ELMO1: variants seen among roughly 807,000 people sequenced by gnomAD.
ELMO1 encodes the protein engulfment and cell motility protein 1.
ELMO1 carries 26 observed loss-of-function variants against 98.9 expected under a neutral mutation model. The ratio of observed to expected loss-of-function variants is 0.26; its 90% CI spans 0.19 to 0.36. The LOEUF (loss-of-function observed/expected upper bound fraction) is 0.36. Among genes scored for constraint, ELMO1 ranks in the 10% least tolerant of loss-of-function variants. The pLI, the probability that ELMO1 is intolerant of heterozygous loss-of-function variation, is 1.00. For synonymous variants in ELMO1, 346 were observed against 346.0 expected, an observed-to-expected ratio of 1.00 and a Z score of 0.00; for missense variants, 627 against 935.2, an observed-to-expected ratio of 0.67 and a Z score of 4.30.
chr7:37,323,783 T>C (rs1799645328), intron 2 of ELMO1, among the ~76,000 whole-genome samples: 1 of 152,174 alleles, frequency 6.6e-6, no homozygotes, highest in African/African-American at 2.4e-5. Context: ...GTACCACTAA[T>C]TTCTAAATCC....
At chr7:37,168,815 T>A (rs888616311) in intron 13 of ELMO1, among the ~76,000 whole-genome samples, 9 of 152,226 alleles carry the variant, frequency 5.9e-5, no homozygotes, top group African/African-American at 2.2e-4. Flanking sequence ...GGAGGCAGTC[T>A]GCCCATTCTC....
chr7:36,874,401 T>G (rs1158921794), intron 19 of ELMO1, among the ~76,000 whole-genome samples: 1 of 152,238 alleles, frequency 6.6e-6, no homozygotes, highest in Non-Finnish European at 1.5e-5. Context: ...TTCTGTAAAA[T>G]AAGGACAATA....
At chr7:36,938,081 T>C (rs1020014619) in intron 16 of ELMO1, among the ~76,000 whole-genome samples, 2 of 152,238 alleles carry the variant, frequency 1.3e-5, no homozygotes, top group African/African-American at 4.8e-5. Flanking sequence ...TTCTAAAATA[T>C]ACTGACTGCT....
chr7:37,292,737 G>T (rs1350789737), intron 4 of ELMO1, among the ~76,000 whole-genome samples: 2 of 10,716 alleles, frequency 1.9e-4, no homozygotes, highest in Admixed American at 1.0e-3. Context: ...GGAGGGAGGT[G>T]GGGGGGTCAG....
Position 37,304,036 on chromosome 7 carries a change from G to GT in ELMO1, c.192+10813dup, listed in dbSNP as rs557337146. 5.9e-4 allele frequency among the ~76,000 whole-genome samples: 89 copies of GT among 151,152 alleles called. No individual in the cohort carries two copies. In the East Asian group the frequency reaches 0.012, roughly 20 times the overall value. On this transcript the variant is annotated intron_variant, in intron 4 of 21. Transcript: ENST00000310758. ...TCATTTAGGTGACTCAACTTAGGCT[G>GT]TTTTTTTTTCTTCATCCTGAAATAA...
chr7:37,316,022 A>G (rs868638625), intron 2 of ELMO1, 62 bp from the exon 3 acceptor site: 2 of 1,280,618 alleles, frequency 1.6e-6, no homozygotes, highest in Middle Eastern at 2.0e-4. Flanking sequence ...AATTAAAAAA[A>G]AGAAGAAGCT....
intron 5 of ELMO1, among the ~76,000 whole-genome samples, chr7:37,264,903 A>C (rs2130820234): frequency 6.6e-6 from 1 of 152,328 alleles, no homozygotes; most frequent in South Asian, 2.1e-4. Flanking sequence ...CATGATGCCA[A>C]TTAAAAAGTA....
intron 16 of ELMO1, among the ~76,000 whole-genome samples, chr7:36,933,865 A>G (rs1161623440): frequency 2.6e-5 from 4 of 152,228 alleles, no homozygotes; most frequent in African/African-American, 9.6e-5. Context: ...TCGGAGTATC[A>G]AGGGGCAGGA....
rs1463487577 is a variant in ELMO1 at position 36,870,428 on chromosome 7, G to A, written c.1870C>T (p.His624Tyr). Residue 624 changes from histidine (H) to tyrosine (Y), a missense_variant, in exon 20 of 22, where the codon CAT becomes TAT. His to Tyr is a moderately conservative substitution (Grantham distance 83). Coordinates refer to ENST00000310758, the MANE Select transcript of ELMO1 (RefSeq NM_014800.11). This position sits in a 1 kb window ranked among gnomAD's most constrained non-coding sequence, Gnocchi z 4.4. Reference sequence around the variant, plus strand: ...TTAAGGGCACCTTTCTCTTTCATATGAGGGCAGTCCTTTCCCGTCACCACG... The same window carrying A: ...TTAAGGGCACCTTTCTCTTTCATATAAGGGCAGTCCTTTCCCGTCACCACG... ...KAVVTGKDCPHMKEKGALKQN... is the reference protein window; with the variant it reads ...KAVVTGKDCPYMKEKGALKQN... 6.2e-7 allele frequency: 1 copy of A among 1,614,106 alleles called. No individual in the cohort carries two copies. Among genetic ancestry groups the A allele is most frequent in the Non-Finnish European group, 8.5e-7 (1 of 1,179,992 alleles).
intron 15 of ELMO1, among the ~76,000 whole-genome samples, chr7:37,025,976 C>CAA (rs1479703415): frequency 6.6e-6 from 1 of 151,080 alleles, no homozygotes; most frequent in East Asian, 1.9e-4. Context: ...AACCCTAATA[C>CAA]AAGAAGGAGG....
chr7:36,905,462 C>A (rs1056668715), intron 16 of ELMO1, among the ~76,000 whole-genome samples: 1 of 152,164 alleles, frequency 6.6e-6, no homozygotes, highest in Non-Finnish European at 1.5e-5. Flanking sequence ...GTACCTGAGA[C>A]TGGATGGATT....
At chr7:37,432,739 C>A (rs1385544195) in intron 1 of ELMO1, among the ~76,000 whole-genome samples, 1 of 152,208 alleles carries the variant, frequency 6.6e-6, no homozygotes, top group African/African-American at 2.4e-5. Context: ...CCCACAGGCA[C>A]TGGGGAGGGA....
intron 7 of ELMO1, among the ~76,000 whole-genome samples, chr7:37,238,526 C>T: frequency 6.6e-6 from 1 of 152,056 alleles, no homozygotes. Context: ...ATCTTCCTTT[C>T]TTATATTATG....
intron 18 of ELMO1, among the ~76,000 whole-genome samples, chr7:36,883,411 C>T (rs1156289527): frequency 1.3e-5 from 2 of 152,122 alleles, no homozygotes; most frequent in Admixed American, 6.5e-5. Context: ...GGTATCATTT[C>T]GATCTGTGTC....
chr7:37,138,005 T>C (rs1023536092), intron 13 of ELMO1, among the ~76,000 whole-genome samples: 3 of 151,942 alleles, frequency 2.0e-5, no homozygotes, highest in African/African-American at 4.8e-5. Flanking sequence ...GAAATCAAGA[T>C]GGAAATTAAA....
intron 16 of ELMO1, among the ~76,000 whole-genome samples, chr7:36,978,554 GAAGA>G (rs1283038041): frequency 6.6e-6 from 1 of 152,258 alleles, no homozygotes; most frequent in East Asian, 1.9e-4. Context: ...CCTTCAAGAA[GAAGA>G]AAGAGTTGGG....
chr7:37,125,365 G>C (rs1201820930), intron 14 of ELMO1, among the ~76,000 whole-genome samples: 3 of 152,126 alleles, frequency 2.0e-5, no homozygotes, highest in Non-Finnish European at 4.4e-5. Context: ...CAGAATGGGA[G>C]AAAATTTTTG....
intron 14 of ELMO1, among the ~76,000 whole-genome samples, chr7:37,125,949 A>G (rs1304739619): frequency 6.6e-6 from 1 of 152,226 alleles, no homozygotes; most frequent in African/African-American, 2.4e-5. Context: ...CATATACACC[A>G]TGGAATACTA....
intron 4 of ELMO1, among the ~76,000 whole-genome samples, chr7:37,281,225 TG>T (rs1336303140): frequency 1.4e-5 from 2 of 144,536 alleles, no homozygotes; most frequent in Non-Finnish European, 3.0e-5. Context: ...TGTGGGGACT[TG>T]GGGGGAAGAG....
Sources: gnomAD v4.1 joint callset for allele counts (sites outside exome capture counted in the v4.1 genomes callset) on GRCh38, gnomAD v4.1.1 for gene constraint, Gnocchi (gnomAD v3.1) non-coding constraint, MANE v1.5 for transcripts, NCBI Gene and HGNC (gene_info 2026-07-23, HGNC 2026-07-21) for gene names.